Variants in DIS3L observed in about 807,000 individuals in gnomAD.
The protein encoded by DIS3L is DIS3 like exosome 3'-5' exoribonuclease.
Under a neutral mutation model 120.3 loss-of-function variants are expected in DIS3L, and 100 were observed. The ratio of observed to expected loss-of-function variants is 0.83; its 90% CI spans 0.71 to 0.98. The LOEUF is 0.98. DIS3L is among the 50% of genes least tolerant of loss of function. DIS3L has a pLI of 0.00. For missense variants in DIS3L, 1,196 were observed against 1,314.2 expected, an observed-to-expected ratio of 0.91 and a Z score of 1.39; for synonymous variants, 426 against 470.6, an observed-to-expected ratio of 0.91 and a Z score of 1.23.
chr15:66,312,202 T>C (rs1178808599), intron 5 of DIS3L, among the ~76,000 whole-genome samples: 2 of 146,850 alleles, frequency 1.4e-5, no homozygotes, highest in African/African-American at 5.1e-5. Context: ...TGAGAACCTG[T>C]CTCAATTAAA....
At position 66,311,147 on chromosome 15, in the gene DIS3L, G is replaced by C. The variant is rs540244740; in HGVS notation, c.559-577G>C. 2.0e-3 allele frequency among the ~76,000 whole-genome samples: 298 copies of C among 151,834 alleles called. 2 individuals carry two copies. The highest frequency in any genetic ancestry group is 3.8e-3 in the Non-Finnish European group (255 of 67,978). On this transcript the variant is annotated intron_variant, in intron 4 of 16. Transcript: ENST00000319212. Reference sequence around the variant, plus strand: ...GGGTGGCCAGGGCAGGAGGATCACTGAGCCCAGGAGTTTGAGACCAGCCTG... The same window carrying C: ...GGGTGGCCAGGGCAGGAGGATCACTCAGCCCAGGAGTTTGAGACCAGCCTG...
At chr15:66,324,338 CATTTTT>C (rs776463085) in intron 11 of DIS3L, among the ~76,000 whole-genome samples, 4 of 152,080 alleles carry the variant, frequency 2.6e-5, no homozygotes, top group Non-Finnish European at 4.4e-5. Context: ...TTCACATTTT[CATTTTT>C]ATTTTTATTT....
rs112641878 is a variant in DIS3L at position 66,315,972 on chromosome 15, C to A, written c.994+757C>A. Among the ~76,000 whole-genome samples, 112 of 152,310 alleles carry A rather than the reference C, an allele frequency of 7.4e-4. 2 individuals carry two copies. Among genetic ancestry groups the A allele is most frequent in the Middle Eastern group, 3.4e-3 (1 of 294 alleles). On this transcript the variant is annotated intron_variant, in intron 7 of 16. Coordinates refer to ENST00000319212, the MANE Select transcript of DIS3L (RefSeq NM_001143688.3). ...ACCCTGCTGGCTGCTCTTCTCAGTT[C>A]TCCTCCTGGCTCTCCATCTCATTGT...
chr15:66,314,643 CT>C (rs2092799107), intron 6 of DIS3L, among the ~76,000 whole-genome samples: 1 of 152,186 alleles, frequency 6.6e-6, no homozygotes, highest in Admixed American at 6.5e-5. Context: ...AGCATTCCCC[CT>C]GTCGGTTCTG....
Position 66,325,879 on chromosome 15 carries a change from TAAG to T in DIS3L, c.1719_1721del (p.Lys574del), listed in dbSNP as rs2092930349. On this transcript the variant is annotated inframe_deletion, in exon 12 of 17. Transcript: ENST00000319212. ...AACTGGATAAAGCCTCTTATGAAATTAAGAAAGTGTGGTATGGCAGAACCATTA... is the reference window on the plus strand; with the variant it reads ...AACTGGATAAAGCCTCTTATGAAATTAAAGTGTGGTATGGCAGAACCATTA... 3 of 1,613,184 alleles carry T rather than the reference TAAG, an allele frequency of 1.9e-6. No individual in the cohort carries two copies. The highest frequency in any genetic ancestry group is 2.7e-5 in the African/African-American group (2 of 74,914).
chr15:66,326,545 C>T (rs2092940382), intron 12 of DIS3L, 181 bp downstream of exon 12: 2 of 707,802 alleles, frequency 2.8e-6, no homozygotes, highest in Admixed American at 3.1e-5. Flanking sequence ...AGACTTAAAA[C>T]AAGTTTATTT....
chr15:66,321,087 A>G (rs922374036), intron 9 of DIS3L, among the ~76,000 whole-genome samples: 1 of 152,216 alleles, frequency 6.6e-6, no homozygotes, highest in Non-Finnish European at 1.5e-5. Context: ...TCATTCAACC[A>G]GAGGCTGCAT....
chr15:66,321,598 C>T (rs1283500732), intron 9 of DIS3L, among the ~76,000 whole-genome samples: 1 of 151,988 alleles, frequency 6.6e-6, no homozygotes, highest in Non-Finnish European at 1.5e-5. Context: ...CCCGTCTCTA[C>T]TAAAAACACA....
At chr15:66,311,465 A>G (rs2092760464) in intron 4 of DIS3L, among the ~76,000 whole-genome samples, 4 of 152,162 alleles carry the variant, frequency 2.6e-5, no homozygotes, top group Admixed American at 6.6e-5. Context: ...GTGGAGAGAA[A>G]GAGACTTGAA....
intron 5 of DIS3L, among the ~76,000 whole-genome samples, chr15:66,312,848 A>G (rs2092776047): frequency 6.6e-6 from 1 of 152,230 alleles, no homozygotes; most frequent in African/African-American, 2.4e-5. Context: ...GTCAACCACA[A>G]TCTAAGAGCA....
upstream of DIS3L, chr15:66,293,343 T>C: frequency 2.1e-6 from 1 of 487,358 alleles, no homozygotes; most frequent in Non-Finnish European, 2.9e-6. Context: ...CCAGGTATCA[T>C]CCTAGTCTTC....
intron 1 of DIS3L, 57 bp downstream of exon 1, chr15:66,293,792 G>A (rs1160780805): frequency 2.3e-5 from 26 of 1,117,636 alleles, no homozygotes; most frequent in Non-Finnish European, 2.8e-5. Flanking sequence ...GCCGCAGTGA[G>A]GGGCTGAGCG....
chr15:66,307,977 G>A (rs979151448), intron 3 of DIS3L, among the ~76,000 whole-genome samples: 28 of 152,064 alleles, frequency 1.8e-4, no homozygotes, highest in Non-Finnish European at 3.2e-4. Flanking sequence ...GTTCGAGACC[G>A]GCCTGGATAA....
rs2092974791 is a variant in DIS3L, at chr15:66,329,369, AT to A, written c.2507del (p.Leu836TyrfsTer68). 1 of 1,611,900 alleles carries A rather than the reference AT, an allele frequency of 6.2e-7. No individual in the cohort carries two copies. The highest frequency in any genetic ancestry group is 1.7e-5 in the Admixed American group (1 of 59,552). On this transcript the variant is annotated frameshift_variant, in exon 14 of 17. Transcript: ENST00000319212. LOFTEE classifies it high-confidence loss of function. ...NLFSNKDLEE[L>X]CRHINNRNQA... is the part of the protein sequence containing the mutation. ...TGTTCAGCAACAAAGATCTTGAGGA[AT>A]TATGCAGACATATCAACAACAGAAA...
At chr15:66,317,081 T>C (rs1163433594) in intron 7 of DIS3L, among the ~76,000 whole-genome samples, 6 of 152,158 alleles carry the variant, frequency 3.9e-5, no homozygotes, top group Non-Finnish European at 7.4e-5. Flanking sequence ...CTCAAGTCAC[T>C]GTTCAAATGT....
At chr15:66,308,346 A>C (rs2092721708) in intron 3 of DIS3L, among the ~76,000 whole-genome samples, 1 of 152,164 alleles carries the variant, frequency 6.6e-6, no homozygotes, top group Non-Finnish European at 1.5e-5. Context: ...TTAGCCAAAG[A>C]CTTGCTTCTT....
chr15:66,329,785 G>T (rs777796815), intron 14 of DIS3L: 161 of 927,648 alleles, frequency 1.7e-4, no homozygotes, highest in Non-Finnish European at 2.0e-4. Flanking sequence ...GATGGCACGC[G>T]CCTGTAGTCC....
In DIS3L at chr15:66,332,805, C is replaced by G; in HGVS notation, c.2751C>G (p.Ser917Arg). The G allele has an allele frequency of 6.2e-7, 1 of 1,613,938 alleles. No individual in the cohort carries two copies. The highest frequency in any genetic ancestry group is 2.2e-5 in the East Asian group (1 of 44,846). ...DGLVISCGPD[S>R]CSEWKPGSLQ... ...TAGTCATCTCATGTGGCCCAGATAGCTGTTCTGAATGGAAACCAGGATCCC... is the reference window on the plus strand; with the variant it reads ...TAGTCATCTCATGTGGCCCAGATAGGTGTTCTGAATGGAAACCAGGATCCC... Residue 917 changes from serine to arginine, a missense_variant, in exon 16 of 17, where the codon AGC (serine) becomes AGG (arginine). By Grantham distance (110) the Ser-to-Arg change is moderately radical. Coordinates refer to ENST00000319212, the MANE Select transcript of DIS3L (RefSeq NM_001143688.3).
chr15:66,315,905 CA>C (rs112132492), intron 7 of DIS3L, among the ~76,000 whole-genome samples: 2 of 152,080 alleles, frequency 1.3e-5, no homozygotes, highest in African/African-American at 4.8e-5. Context: ...CAGCATTTGG[CA>C]GGGGCCCTCT....
Sources: gnomAD v4.1 joint callset for allele counts (sites outside exome capture counted in the v4.1 genomes callset) on GRCh38, gnomAD v4.1.1 for gene constraint, MANE v1.5 for transcripts, NCBI Gene and HGNC (gene_info 2026-07-23, HGNC 2026-07-21) for gene names.